PCDH11X: variants seen among roughly 807,000 people sequenced by gnomAD.
PCDH11X encodes the protein protocadherin-11 X-linked.
In PCDH11X, 18 loss-of-function variants were observed where a neutral mutation model predicts 53.3. That is an observed-to-expected ratio of 0.34 (90% CI 0.23 to 0.50). The LOEUF (loss-of-function observed/expected upper bound fraction) is 0.50, where lower values mean the gene tolerates loss of function less well. PCDH11X is among the 20% of genes least tolerant of loss of function. PCDH11X has a pLI of 0.98. For synonymous variants in PCDH11X, 279 were observed against 393.3 expected, an observed-to-expected ratio of 0.71 and a Z score of 3.44; for missense variants, 570 against 1,032.4, an observed-to-expected ratio of 0.55 and a Z score of 6.14.
At chrX:91,853,371 A>T in intron 5 of PCDH11X, among the ~76,000 whole-genome samples, 1 of 109,419 alleles carries the variant, frequency 9.1e-6, no homozygotes, top group Non-Finnish European at 1.9e-5. Context: ...CTTCATAAAT[A>T]GAATATTTAT....
chrX:92,128,259 C>T (rs2064906694), intron 6 of PCDH11X, among the ~76,000 whole-genome samples: 1 of 111,199 alleles, frequency 9.0e-6, no homozygotes, highest in African/African-American at 3.3e-5. Context: ...TCTCTAAACT[C>T]ACTTTCCTTG....
intron 6 of PCDH11X, among the ~76,000 whole-genome samples, chrX:91,942,933 G>T (rs1404805508): frequency 2.9e-5 from 3 of 103,900 alleles, no homozygotes; most frequent in Non-Finnish European, 4.0e-5. Context: ...GTGCTTAAAA[G>T]AAATGATATA....
chrX:91,988,598 C>T (rs1459502577), intron 6 of PCDH11X, among the ~76,000 whole-genome samples: 1 of 113,135 alleles, frequency 8.8e-6, no homozygotes, highest in Non-Finnish European at 1.9e-5. Flanking sequence ...CAATAATTCT[C>T]AAGTGGGCAG....
At chrX:92,306,783 TAC>T (rs765819130) in intron 8 of PCDH11X, among the ~76,000 whole-genome samples, 2 of 110,201 alleles carry the variant, frequency 1.8e-5, no homozygotes, top group Admixed American at 9.7e-5. Context: ...CTACTAAAAA[TAC>T]ACACACACAC....
intron 1 of PCDH11X, among the ~76,000 whole-genome samples, chrX:91,785,772 A>G (rs1935317186): frequency 1.9e-5 from 2 of 107,797 alleles, no homozygotes; most frequent in Admixed American, 2.0e-4. Context: ...CAAATTGGTC[A>G]TATTTGAAAT....
intron 6 of PCDH11X, among the ~76,000 whole-genome samples, chrX:92,148,605 G>A (rs6615330): frequency 0.21 from 22,267 of 107,242 alleles, 2,926 homozygotes; most frequent in East Asian, 0.87. Context: ...ATAGTGTAGC[G>A]TAGGCACATC....
chrX:92,379,465 C>T (rs2070824165), intron 8 of PCDH11X, among the ~76,000 whole-genome samples: 1 of 112,904 alleles, frequency 8.9e-6, no homozygotes, highest in Non-Finnish European at 1.9e-5. Context: ...TGGGCATGGG[C>T]CTGAAGGTGC....
At chrX:92,397,929 T>C (rs1450846604) in intron 9 of PCDH11X, among the ~76,000 whole-genome samples, 3 of 111,692 alleles carry the variant, frequency 2.7e-5, no homozygotes, top group Non-Finnish European at 5.6e-5. Flanking sequence ...AAGAACAGGA[T>C]ACATTGAAAA....
intron 10 of PCDH11X, among the ~76,000 whole-genome samples, chrX:92,509,308 T>C (rs1285540379): frequency 9.0e-6 from 1 of 111,143 alleles, no homozygotes; most frequent in Admixed American, 9.6e-5. Context: ...TGAATGGGTA[T>C]ACCAGATTGG....
chrX:92,134,050 C>A (rs193130060), intron 6 of PCDH11X, among the ~76,000 whole-genome samples: 9 of 111,641 alleles, frequency 8.1e-5, no homozygotes, highest in Non-Finnish European at 1.3e-4. Flanking sequence ...AGATAAGAGA[C>A]AAACAATTGC....
At chrX:92,460,099 G>A in intron 9 of PCDH11X, 1 of 1,063,578 alleles carries the variant, frequency 9.4e-7, no homozygotes, top group Non-Finnish European at 1.3e-6. Flanking sequence ...AAATACTGTG[G>A]ACAATGCCTG....
At chrX:91,909,278 G>T (rs1242953225) in intron 6 of PCDH11X, among the ~76,000 whole-genome samples, 1 of 110,774 alleles carries the variant, frequency 9.0e-6, no homozygotes, top group Non-Finnish European at 1.9e-5. Flanking sequence ...AAGATAAAAA[G>T]GTAAAGGATT....
chrX:92,013,292 A>G (rs1442382125), intron 6 of PCDH11X, among the ~76,000 whole-genome samples: 1 of 111,951 alleles, frequency 8.9e-6, no homozygotes, highest in East Asian at 2.8e-4. Context: ...ATTGCTTCAA[A>G]GAGAATAAAA....
chrX:91,859,840 G>A (rs1055597771), intron 5 of PCDH11X, among the ~76,000 whole-genome samples: 82 of 108,870 alleles, frequency 7.5e-4, no homozygotes, highest in African/African-American at 2.5e-3. Context: ...TTTTGTAGCA[G>A]TACCATGCTA....
intron 4 of PCDH11X, among the ~76,000 whole-genome samples, chrX:91,818,899 G>A (rs1287453274): frequency 1.1e-4 from 12 of 111,106 alleles, no homozygotes. Context: ...TGTTCACAGT[G>A]AAACACAAAG....
chrX:92,280,782 T>C (rs948534351), intron 8 of PCDH11X, among the ~76,000 whole-genome samples: 1 of 109,339 alleles, frequency 9.1e-6, no homozygotes, highest in African/African-American at 3.4e-5. Context: ...TAATCAAATA[T>C]ATTTTTTTTA....
At chrX:92,482,664 G>T (rs924555908) in intron 10 of PCDH11X, among the ~76,000 whole-genome samples, 2 of 110,445 alleles carry the variant, frequency 1.8e-5, no homozygotes, top group African/African-American at 3.3e-5. Context: ...TGTTTAACTT[G>T]CATTTTTTTA....
intron 8 of PCDH11X, among the ~76,000 whole-genome samples, chrX:92,274,364 A>C (rs1385094095): frequency 4.6e-5 from 5 of 109,583 alleles, no homozygotes; most frequent in Non-Finnish European, 9.4e-5. Flanking sequence ...GAGCCTGAAA[A>C]ACTGCTTGGC....
At chrX:92,097,448 G>A (rs1415083867) in intron 6 of PCDH11X, among the ~76,000 whole-genome samples, 1 of 108,553 alleles carries the variant, frequency 9.2e-6, no homozygotes, top group African/African-American at 3.3e-5. Flanking sequence ...TCTCAGGAAA[G>A]ATGCGGGGAA....
Sources: allele counts gnomAD v4.1 joint callset (sites outside exome capture counted in the v4.1 genomes callset), GRCh38; gene constraint gnomAD v4.1.1; transcripts MANE v1.5; gene names NCBI Gene and HGNC (gene_info 2026-07-23, HGNC 2026-07-21).